FSTL4: variants seen among roughly 807,000 people sequenced by gnomAD.
FSTL4 encodes follistatin-related protein 4.
A neutral mutation model predicts 78.2 loss-of-function variants in FSTL4; 28 were observed. The ratio of observed to expected loss-of-function variants is 0.36; its 90% CI spans 0.27 to 0.49. The LOEUF is 0.49. Among genes scored for constraint, FSTL4 ranks in the 20% least tolerant of loss-of-function variants. The pLI, the probability that FSTL4 is intolerant of heterozygous loss-of-function variation, is 0.98. For missense variants in FSTL4, 922 were observed against 1,084.9 expected (o/e 0.85, Z 2.11); for synonymous variants, 422 against 440.5 (o/e 0.96, Z 0.53).
At chr5:133,356,042 T>G (rs1754938069) in intron 4 of FSTL4, among the ~76,000 whole-genome samples, 2 of 152,194 alleles carry the variant, frequency 1.3e-5, no homozygotes, top group Non-Finnish European at 2.9e-5. Flanking sequence ...CCAGGGGGCC[T>G]TCTGGGTCCT....
chr5:133,374,542 C>G (rs182251857), intron 4 of FSTL4, among the ~76,000 whole-genome samples: 175 of 152,210 alleles, frequency 1.1e-3, no homozygotes, highest in African/African-American at 4.1e-3. Flanking sequence ...GTTAAACAAG[C>G]AAACCAAAAA....
chr5:133,360,482 T>A (rs1755044917), intron 4 of FSTL4, among the ~76,000 whole-genome samples: 1 of 151,188 alleles, frequency 6.6e-6, no homozygotes, highest in African/African-American at 2.4e-5. Flanking sequence ...AATTTTTTTT[T>A]TTTTTTTTTT....
rs534387308 is a variant in FSTL4 at position 133,250,528 on chromosome 5, G to A, written c.728-952C>T. ...TTGTCTATTCCCTATTCATGCTTAC[G>A]ACTCTATTGGGACCTGGGGGACCCC... On this transcript the variant is annotated intron_variant, in intron 6 of 15. Transcript: ENST00000265342. Among the ~76,000 whole-genome samples, 7 of 152,342 alleles carry A rather than the reference G, an allele frequency of 4.6e-5. No homozygotes were observed. The South Asian group carries it at 1.2e-3, about 27-fold the overall frequency.
At chr5:133,378,526 G>A (rs779773452) in intron 4 of FSTL4, among the ~76,000 whole-genome samples, 5 of 152,064 alleles carry the variant, frequency 3.3e-5, no homozygotes, top group Non-Finnish European at 7.4e-5. Flanking sequence ...TATTCCCTCA[G>A]CTTCAAATGA....
At chr5:133,256,547 T>C (rs1362963456) in intron 6 of FSTL4, 2 of 152,270 alleles carry the variant, frequency 1.3e-5, no homozygotes, top group African/African-American at 4.8e-5. Context: ...GTGGGAGGGA[T>C]GGTGTGCTTT....
the FSTL4 span, among the ~76,000 whole-genome samples, chr5:133,626,712 G>A: frequency 1.3e-4 from 20 of 152,042 alleles, 1 homozygote; most frequent in African/African-American, 4.8e-4. Context: ...CTTTCTATAT[G>A]GATTTCTAGT....
At chr5:133,509,396 A>T (rs1368838621) in intron 3 of FSTL4, among the ~76,000 whole-genome samples, 1 of 152,018 alleles carries the variant, frequency 6.6e-6, no homozygotes, top group Non-Finnish European at 1.5e-5. Flanking sequence ...TGCTTTTCTA[A>T]TTTCCTCTTC....
chr5:133,603,709 CCTT>C (rs1168075940), intron 2 of FSTL4, 146 bp downstream of exon 2: 1 of 848,636 alleles, frequency 1.2e-6, no homozygotes, highest in African/African-American at 1.7e-5. Context: ...ACACAGGTTG[CCTT>C]CTTCTGTCCC....
the FSTL4 span, among the ~76,000 whole-genome samples, chr5:133,766,397 G>T: frequency 1.3e-5 from 2 of 152,228 alleles, no homozygotes; most frequent in Non-Finnish European, 2.9e-5. Context: ...TACAGAAAAA[G>T]TGTGCCTACC....
At chr5:133,412,307 T>A (rs1167564746) in intron 3 of FSTL4, among the ~76,000 whole-genome samples, 1 of 151,928 alleles carries the variant, frequency 6.6e-6, no homozygotes, top group Non-Finnish European at 1.5e-5. Flanking sequence ...AAAAGGCAAA[T>A]CAGTGACTGC....
At position 133,198,613 on chromosome 5, in the gene FSTL4, G is replaced by A. The variant is rs2094725786; in HGVS notation, c.*482C>T. On this transcript the variant is annotated 3_prime_UTR_variant, in exon 16 of 16. Transcript: ENST00000265342. ...AGAAAAGCAAGAAGCAGCTGCGAGG[G>A]AGAAGATGCGGTCCCACGCGAGGAC... The A allele has an allele frequency of 6.5e-6, 1 of 154,120 alleles. No individual in the cohort carries two copies. The highest frequency in any genetic ancestry group is 2.1e-4 in the South Asian group (1 of 4,844). The allele number at this position is 154,120 out of a possible 1,614,324, so 9.5% of individuals were successfully genotyped here.
chr5:133,356,784 G>A (rs562921652), intron 4 of FSTL4, among the ~76,000 whole-genome samples: 85 of 152,322 alleles, frequency 5.6e-4, no homozygotes, highest in African/African-American at 1.9e-3. Flanking sequence ...TCAGGCCCAC[G>A]CAGTCTTTTT....
At chr5:133,493,285 G>A (rs1244989316) in intron 3 of FSTL4, among the ~76,000 whole-genome samples, 4 of 152,042 alleles carry the variant, frequency 2.6e-5, no homozygotes, top group South Asian at 2.1e-4. Context: ...TTTTCCCATC[G>A]GCATCCTGTA....
chr5:133,738,932 T>C, the FSTL4 span, among the ~76,000 whole-genome samples: 1 of 152,118 alleles, frequency 6.6e-6, no homozygotes, highest in South Asian at 2.1e-4. Context: ...ACTCTTTCCA[T>C]CCAGAACTTT....
intron 7 of FSTL4, among the ~76,000 whole-genome samples, chr5:133,240,485 C>T (rs572222438): frequency 2.6e-5 from 4 of 152,258 alleles, no homozygotes; most frequent in South Asian, 2.1e-4. Context: ...TCCTCCTGCT[C>T]GTTCCCAGGT....
At chr5:133,668,375 G>T in the FSTL4 span, among the ~76,000 whole-genome samples, 1 of 152,156 alleles carries the variant, frequency 6.6e-6, no homozygotes, top group Non-Finnish European at 1.5e-5. Context: ...TCAGGGGAGG[G>T]ATGTAAGTAA....
At chr5:133,308,071 T>C (rs571825071) in intron 6 of FSTL4, among the ~76,000 whole-genome samples, 1 of 152,330 alleles carries the variant, frequency 6.6e-6, no homozygotes, top group East Asian at 1.9e-4. Context: ...TGAGCCACCG[T>C]GCCCGGCCTT....
chr5:133,222,784 A>G (rs530453249), intron 11 of FSTL4, among the ~76,000 whole-genome samples: 2 of 152,078 alleles, frequency 1.3e-5, no homozygotes, highest in African/African-American at 4.8e-5. Context: ...GGCCCGAAGG[A>G]GCTGTTTTTG....
the FSTL4 span, among the ~76,000 whole-genome samples, chr5:133,638,520 G>T: frequency 1.3e-5 from 2 of 152,212 alleles, no homozygotes; most frequent in East Asian, 3.9e-4. Context: ...CTCCAGGCAT[G>T]CTCCTGCCTA....
Sources: gnomAD v4.1 joint callset for allele counts (sites outside exome capture counted in the v4.1 genomes callset) on GRCh38, gnomAD v4.1.1 for gene constraint, MANE v1.5 for transcripts, NCBI Gene and HGNC (gene_info 2026-07-23, HGNC 2026-07-21) for gene names.